The following SLCO3A1 variants were observed in gnomAD, a reference collection of about 807,000 sequenced individuals.
The protein encoded by SLCO3A1 is PGE1 transporter.
A neutral mutation model predicts 63.1 loss-of-function variants in SLCO3A1; 27 were observed. That is an observed-to-expected ratio of 0.43 (90% CI 0.32 to 0.59). The LOEUF (loss-of-function observed/expected upper bound fraction) is 0.59. SLCO3A1 is among the 20% of genes least tolerant of loss of function. The probability of loss-of-function intolerance (pLI) is 0.09; values close to 1 mark genes in which losing one functional copy is unlikely to be tolerated. For missense variants in SLCO3A1, 773 were observed against 945.8 expected (o/e 0.82, Z 2.40); for synonymous variants, 473 against 409.9 (o/e 1.15, Z -1.86).
intron 2 of SLCO3A1, among the ~76,000 whole-genome samples, chr15:92,057,275 T>TGCAGCCTG (rs1380990369): frequency 1.3e-5 from 2 of 152,226 alleles, no homozygotes; most frequent in African/African-American, 4.8e-5. Flanking sequence ...AGGGCAGCCC[T>TGCAGCCTG]GCAGCCTGGC....
At chr15:92,006,931 C>T (rs560986978) in intron 2 of SLCO3A1, among the ~76,000 whole-genome samples, 2 of 152,280 alleles carry the variant, frequency 1.3e-5, no homozygotes, top group East Asian at 3.9e-4. Context: ...TCCTTTACTT[C>T]AACAAAATAA....
At chr15:92,113,553 T>C (rs2047755413) in intron 4 of SLCO3A1, among the ~76,000 whole-genome samples, 1 of 152,196 alleles carries the variant, frequency 6.6e-6, no homozygotes, top group South Asian at 2.1e-4. Context: ...GGAAACCCAG[T>C]AGCTGCTTCT....
At chr15:91,973,710 G>A (rs560256313) in intron 2 of SLCO3A1, among the ~76,000 whole-genome samples, 1 of 152,228 alleles carries the variant, frequency 6.6e-6, no homozygotes, top group East Asian at 1.9e-4. Flanking sequence ...CATCTAGTGG[G>A]GAGAGGCTGC....
chr15:92,035,606 T>G (rs28360724), intron 2 of SLCO3A1, among the ~76,000 whole-genome samples: 12,040 of 151,618 alleles, frequency 0.079, 1,444 homozygotes, highest in African/African-American at 0.25. Flanking sequence ...CAGGACAGTT[T>G]AGAGAGGGAG....
chr15:91,929,677 C>T (rs1035330936), intron 2 of SLCO3A1, among the ~76,000 whole-genome samples: 2 of 152,090 alleles, frequency 1.3e-5, no homozygotes, highest in Non-Finnish European at 2.9e-5. Context: ...CTGAAATTAC[C>T]TCTTCAACAA....
intron 7 of SLCO3A1, among the ~76,000 whole-genome samples, chr15:92,131,364 CTTTT>C (rs1176368440): frequency 7.9e-6 from 1 of 127,124 alleles, no homozygotes; most frequent in Non-Finnish European, 1.7e-5. Flanking sequence ...CCTCCCACCT[CTTTT>C]TTTTTTTTTT....
At chr15:91,893,602 ATAC>A (rs1370164348) in intron 1 of SLCO3A1, among the ~76,000 whole-genome samples, 1 of 152,112 alleles carries the variant, frequency 6.6e-6, no homozygotes, top group Non-Finnish European at 1.5e-5. Flanking sequence ...TCACCTCCTA[ATAC>A]TATCACATTG....
In SLCO3A1 at chr15:91,886,424, T is replaced by A. The variant is rs1162419402; in HGVS notation, c.181-29569T>A. On this transcript the variant is annotated intron_variant, in intron 1 of 9. Coordinates refer to ENST00000318445, the MANE Select transcript of SLCO3A1 (RefSeq NM_013272.4). The surrounding 1 kb of genome is among the most constrained non-coding windows in gnomAD (Gnocchi z 4.9). ...CTACCTTGGGTCTGGGTGGCTCCTG[T>A]TTGTGTCCACATCAGCGTGAGTTGT... Among the ~76,000 whole-genome samples, 1 of 152,158 alleles carries A rather than the reference T, an allele frequency of 6.6e-6. No individual in the cohort carries two copies. Among genetic ancestry groups the A allele is most frequent in the African/African-American group, 2.4e-5 (1 of 41,440 alleles).
chr15:92,057,880 TTAA>T (rs2047040465), intron 2 of SLCO3A1, among the ~76,000 whole-genome samples: 1 of 152,198 alleles, frequency 6.6e-6, no homozygotes, highest in African/African-American at 2.4e-5. Context: ...TTGATGATGG[TTAA>T]TAATAATGCT....
At chr15:91,959,085 A>C (rs568848974) in intron 2 of SLCO3A1, among the ~76,000 whole-genome samples, 1 of 152,344 alleles carries the variant, frequency 6.6e-6, no homozygotes, top group Non-Finnish European at 1.5e-5. Context: ...AATACTACTC[A>C]ACCATAAAAA....
At position 91,968,130 on chromosome 15, in the gene SLCO3A1, C is replaced by T. The variant is rs866288672; in HGVS notation, c.646+51672C>T. 2.6e-5 allele frequency among the ~76,000 whole-genome samples: 4 copies of T among 152,232 alleles called. No homozygotes were observed. The highest frequency in any genetic ancestry group is 1.9e-4 in the East Asian group (1 of 5,162). On this transcript the variant is annotated intron_variant, in intron 2 of 9. Coordinates refer to ENST00000318445, the MANE Select transcript of SLCO3A1 (RefSeq NM_013272.4). The surrounding 1 kb of genome is among the most constrained non-coding windows in gnomAD (Gnocchi z 4.2). ...ACGGCCTATCCATCAAAGCACAGTG[C>T]GTGTCTCCTTTCTCAGACAGAGGAC...
Position 92,164,442 on chromosome 15 carries a change from A to G in SLCO3A1, c.*1307A>G, listed in dbSNP as rs1169552056. 1.0e-6 allele frequency: 1 copy of G among 985,312 alleles called. No individual in the cohort carries two copies. Among genetic ancestry groups the G allele is most frequent in the East Asian group, 1.1e-4 (1 of 8,828 alleles). The allele number at this position is 985,312 out of a possible 1,614,324, so 61.0% of individuals were successfully genotyped here. Reference sequence around the variant, plus strand: ...TAGCTTCCTTCCCCATGATTCAGTGATCACTGTCACGGGAAACCCTTTTAT... The same window carrying G: ...TAGCTTCCTTCCCCATGATTCAGTGGTCACTGTCACGGGAAACCCTTTTAT... On this transcript the variant is annotated 3_prime_UTR_variant, in exon 10 of 10. Transcript: ENST00000318445.
intron 10 of SLCO3A1, chr15:92,171,355 A>G (rs1487786279): frequency 1.3e-5 from 2 of 156,456 alleles, no homozygotes; most frequent in African/African-American, 4.8e-5. Context: ...GGAGGAGGAA[A>G]TATGACATTG....
chr15:92,067,073 A>G (rs772454727), intron 2 of SLCO3A1, among the ~76,000 whole-genome samples: 9 of 152,164 alleles, frequency 5.9e-5, no homozygotes, highest in Non-Finnish European at 1.0e-4. Context: ...GCTAGAGCTT[A>G]AATAGGAGAA....
At chr15:91,989,738 G>T (rs2046102844) in intron 2 of SLCO3A1, among the ~76,000 whole-genome samples, 1 of 152,184 alleles carries the variant, frequency 6.6e-6, no homozygotes, top group Admixed American at 6.5e-5. Context: ...AAAGCAATTT[G>T]CTGATACCAA....
chr15:92,146,478 A>G (rs1318416352), intron 7 of SLCO3A1, among the ~76,000 whole-genome samples: 1 of 152,204 alleles, frequency 6.6e-6, no homozygotes, highest in Non-Finnish European at 1.5e-5. Flanking sequence ...AGCCTTGCAG[A>G]CGCGGTGACT....
intron 9 of SLCO3A1, among the ~76,000 whole-genome samples, chr15:92,157,490 A>G (rs972655202): frequency 6.8e-6 from 1 of 146,552 alleles, no homozygotes; most frequent in South Asian, 2.1e-4. Context: ...TGATGTGGAG[A>G]AATTTTTTTT....
rs534809714 is a variant in SLCO3A1 at position 91,912,640 on chromosome 15, T to C, written c.181-3353T>C. Among the ~76,000 whole-genome samples the C allele has an allele frequency of 3.3e-5, 5 of 152,356 alleles. No homozygotes were observed. In the South Asian group the frequency reaches 8.3e-4, roughly 25 times the overall value. ...GTTGTCATGTTTCAGATTTGTTGTC[T>C]TGTGTGTATGTCATGAGGCATCATG... On this transcript the variant is annotated intron_variant, in intron 1 of 9. Transcript: ENST00000318445. The surrounding 1 kb of genome is among the most constrained non-coding windows in gnomAD (Gnocchi z 5.0).
At chr15:92,026,330 T>C (rs914089626) in intron 2 of SLCO3A1, among the ~76,000 whole-genome samples, 1 of 152,230 alleles carries the variant, frequency 6.6e-6, no homozygotes, top group African/African-American at 2.4e-5. Flanking sequence ...GTTCCTTGTC[T>C]AATGGACTGT....
Sources: allele counts gnomAD v4.1 joint callset (sites outside exome capture counted in the v4.1 genomes callset), GRCh38; gene constraint gnomAD v4.1.1; non-coding constraint Gnocchi (gnomAD v3.1); transcripts MANE v1.5; gene names NCBI Gene and HGNC (gene_info 2026-07-23, HGNC 2026-07-21).